ABCA10: variants seen among roughly 807,000 people sequenced by gnomAD.
ABCA10 encodes ATP-binding cassette sub-family A member 10.
In ABCA10, 169 loss-of-function variants were observed where a neutral mutation model predicts 187.5. The ratio of observed to expected loss-of-function variants is 0.90; its 90% CI spans 0.80 to 1.02. The LOEUF (loss-of-function observed/expected upper bound fraction) is 1.02, where lower values mean the gene tolerates loss of function less well. Ranked by LOEUF, ABCA10 falls within the 50% of genes least tolerant of loss-of-function variation. The pLI is 0.00. For synonymous variants in ABCA10, 574 were observed against 601.8 expected (o/e 0.95, Z 0.68); for missense variants, 1,727 against 1,812.4 (o/e 0.95, Z 0.86).
At chr17:69,189,152 G>A (rs1056125810) in intron 18 of ABCA10, among the ~76,000 whole-genome samples, 1 of 152,110 alleles carries the variant, frequency 6.6e-6, no homozygotes, top group African/African-American at 2.4e-5. Flanking sequence ...CCCACCAACA[G>A]GGCATAATCA....
chr17:69,225,842 A>G (rs754525818), intron 2 of ABCA10, among the ~76,000 whole-genome samples: 88 of 152,248 alleles, frequency 5.8e-4, no homozygotes, highest in Middle Eastern at 6.8e-3. Flanking sequence ...ATCACACAGA[A>G]GATACTCTTG....
chr17:69,175,716 C>T (rs945981094), intron 22 of ABCA10: 1 of 413,732 alleles, frequency 2.4e-6, no homozygotes, highest in Non-Finnish European at 4.3e-6. Flanking sequence ...AATTCAAAAT[C>T]TCAATTTTAT....
chr17:69,152,422 T>A lies in ABCA10; in HGVS notation c.4196A>T (p.Tyr1399Phe), dbSNP rs765154142. Residue 1399 changes from tyrosine (Y) to phenylalanine (F), a missense_variant, in exon 35 of 39, where the codon TAC becomes TTC. By Grantham distance (22) the Tyr-to-Phe change is conservative (BLOSUM62 3). Transcript: ENST00000690296. The stretch of plus-strand genomic sequence containing the variant: ...ACACACAGCCTCAGCCTCTGACATG[T>A]AATGGGTGGTCAAGAGGGTGCCCCT... ...KERGTLLTTH[Y>F]MSEAEAVCDR... is the part of the protein sequence containing the mutation. The A allele has an allele frequency of 4.3e-6, 7 of 1,613,850 alleles. No homozygotes were observed. In the Admixed American group the frequency reaches 1.2e-4, roughly 27 times the overall value.
At chr17:69,221,501 T>C (rs566368236) in intron 5 of ABCA10, among the ~76,000 whole-genome samples, 128 of 152,272 alleles carry the variant, frequency 8.4e-4, no homozygotes, top group Middle Eastern at 3.4e-3. Context: ...CAAAAGTCCA[T>C]AGTTGAACTT....
At chr17:69,192,091 A>G (rs1465092225) in intron 16 of ABCA10, among the ~76,000 whole-genome samples, 1 of 152,160 alleles carries the variant, frequency 6.6e-6, no homozygotes, top group Non-Finnish European at 1.5e-5. Flanking sequence ...TTGGGAGGCC[A>G]AGGCAGGCAG....
intron 19 of ABCA10, 22 bp downstream of exon 19, chr17:69,187,653 AATAGAT>A: frequency 6.3e-7 from 1 of 1,597,586 alleles, no homozygotes; most frequent in Admixed American, 1.7e-5. Flanking sequence ...ATACTGACCA[AATAGAT>A]ATAAAGTAAT....
intron 22 of ABCA10, among the ~76,000 whole-genome samples, chr17:69,180,302 T>C (rs1323949551): frequency 6.6e-6 from 1 of 152,206 alleles, no homozygotes; most frequent in African/African-American, 2.4e-5. Context: ...CAAATATTTA[T>C]AGAGCTTCTG....
At chr17:69,237,097 C>T (rs576460759) in intron 1 of ABCA10, among the ~76,000 whole-genome samples, 1 of 152,276 alleles carries the variant, frequency 6.6e-6, no homozygotes, top group South Asian at 2.1e-4. Flanking sequence ...ACCAAGGCTT[C>T]CAATATACTA....
chr17:69,225,687 G>GA (rs994290560), intron 2 of ABCA10, among the ~76,000 whole-genome samples, 158 bp from the exon 3 acceptor site: 5 of 151,770 alleles, frequency 3.3e-5, no homozygotes, highest in African/African-American at 7.3e-5. Flanking sequence ...ACCTTTTAAA[G>GA]AAAAAAACAC....
Position 69,198,030 on chromosome 17 carries a change from T to G in ABCA10, c.1176-908A>C, listed in dbSNP as rs376979732. 7.2e-5 allele frequency among the ~76,000 whole-genome samples: 11 copies of G among 152,286 alleles called. No homozygotes were observed. In the East Asian group the frequency reaches 1.7e-3, roughly 24 times the overall value. On this transcript the variant is annotated intron_variant, in intron 10 of 38. Coordinates refer to ENST00000690296, the MANE Select transcript of ABCA10 (RefSeq NM_001377321.1). ...GCCCACTTCCATTCTCTATCTCAGT[T>G]AGAATTTCTACTATCTACCCAGGAA...
intron 20 of ABCA10, 31 bp from the exon 21 acceptor site, chr17:69,182,839 A>G (rs1291806648): frequency 6.8e-7 from 1 of 1,472,376 alleles, no homozygotes; most frequent in Admixed American, 2.7e-5. Flanking sequence ...CAACAAGAAA[A>G]AAAAAAAAAA....
At chr17:69,171,135 C>T (rs375716704) in intron 25 of ABCA10, among the ~76,000 whole-genome samples, 1 of 152,134 alleles carries the variant, frequency 6.6e-6, no homozygotes, top group South Asian at 2.1e-4. Context: ...GAGCTCCTCT[C>T]CCCGACAAAA....
chr17:69,181,267 T>C (rs150012673), intron 22 of ABCA10, among the ~76,000 whole-genome samples: 5 of 152,332 alleles, frequency 3.3e-5, no homozygotes, highest in African/African-American at 1.2e-4. Context: ...AGGTTTAAGA[T>C]ATCTCTGATA....
chr17:69,155,915 G>C lies in ABCA10; in HGVS notation c.3466C>G (p.Arg1156Gly). The change falls in exon 29 of 39, where the codon CGG becomes GGG. Residue 1156 changes from arginine to glycine, a missense_variant. By Grantham distance (125) the Arg-to-Gly change is moderately radical (BLOSUM62 -2). Coordinates refer to ENST00000690296, the MANE Select transcript of ABCA10 (RefSeq NM_001377321.1). ...GGATTGGGATGAGTTTCTCTACTCC[G>C]TGGAGAGATTCTACAGAGGAAATAA... Reference protein sequence around the residue: ...NKDPVFRISPRSRETHPNPEE... With the variant: ...NKDPVFRISPGSRETHPNPEE... 1.2e-6 allele frequency: 2 copies of C among 1,612,758 alleles called. No homozygotes were observed. Among genetic ancestry groups the C allele is most frequent in the Non-Finnish European group, 1.7e-6 (2 of 1,179,368 alleles).
At chr17:69,215,282 A>G (rs370823655) in intron 8 of ABCA10, among the ~76,000 whole-genome samples, 6 of 152,230 alleles carry the variant, frequency 3.9e-5, no homozygotes, top group African/African-American at 1.2e-4. Flanking sequence ...AAAAAACTAG[A>G]AAGATAATAA....
At chr17:69,237,317 C>A (rs1349897494) in intron 1 of ABCA10, among the ~76,000 whole-genome samples, 7 of 152,190 alleles carry the variant, frequency 4.6e-5, no homozygotes, top group Non-Finnish European at 1.0e-4. Context: ...GAAAATGGGC[C>A]ATTTGCCAAA....
At chr17:69,231,327 C>T (rs964604473), upstream of ABCA10, among the ~76,000 whole-genome samples, 3 of 152,052 alleles carry the variant, frequency 2.0e-5, no homozygotes, top group Non-Finnish European at 4.4e-5. Context: ...AGTTAGTTTG[C>T]TCCTGTTATT....
At chr17:69,194,881 G>T (rs933805538) in intron 11 of ABCA10, among the ~76,000 whole-genome samples, 1 of 152,190 alleles carries the variant, frequency 6.6e-6, no homozygotes, top group African/African-American at 2.4e-5. Flanking sequence ...TGCAGAGCTG[G>T]AAACAGAAGG....
Position 69,192,527 on chromosome 17 carries a change from T to A in ABCA10, c.1871+36A>T, listed in dbSNP as rs8074259. ...ACAAAATGTCACCCTCATATTAATA[T>A]GCTCATTTAAAAATAACTACACCTA... On this transcript the variant is annotated intron_variant, in intron 16 of 38. Transcript: ENST00000690296. 4.7e-4 allele frequency: 711 copies of A among 1,521,786 alleles called. 5 individuals carry two copies. In the African/African-American group the frequency reaches 9.1e-3, roughly 20 times the overall value. The allele number at this position is 1,521,786 out of a possible 1,614,324, so 94.3% of individuals were successfully genotyped here.
Sources: allele counts gnomAD v4.1 joint callset (sites outside exome capture counted in the v4.1 genomes callset), GRCh38; gene constraint gnomAD v4.1.1; transcripts MANE v1.5; gene names NCBI Gene and HGNC (gene_info 2026-07-23, HGNC 2026-07-21).